PDE6B: variants seen among roughly 807,000 people sequenced by gnomAD.
PDE6B encodes rod cGMP-specific 3',5'-cyclic phosphodiesterase subunit beta.
In PDE6B, 106 loss-of-function variants were observed where a neutral mutation model predicts 109.0. That is an observed-to-expected ratio of 0.97 (90% CI 0.83 to 1.14). PDE6B has a LOEUF of 1.14. Among genes scored for constraint, PDE6B ranks in the 50% most tolerant of loss-of-function variants. PDE6B has a pLI of 0.00. For synonymous variants in PDE6B, 490 were observed against 471.3 expected (o/e 1.04, Z -0.51); for missense variants, 1,193 against 1,155.6 (o/e 1.03, Z -0.47).
At chr4:653,255 G>A in intron 3 of PDE6B, 1 of 1,010,730 alleles carries the variant, frequency 9.9e-7, no homozygotes, top group Non-Finnish European at 1.2e-6. Context: ...GGCAGGGCCT[G>A]GTGGGGCCTG....
intron 3 of PDE6B, among the ~76,000 whole-genome samples, chr4:637,668 G>A (rs1424549271): frequency 2.0e-5 from 3 of 152,222 alleles, no homozygotes; most frequent in South Asian, 2.1e-4. Flanking sequence ...GCTTGTTGCC[G>A]GGGTCACTGC....
rs548470141 is a variant in PDE6B, at chr4:657,268, G to A, written c.1258-83G>A. 5.5e-4 allele frequency: 841 copies of A among 1,531,594 alleles called. 1 individual carries two copies. The African/African-American group carries it at 7.1e-3, about 13-fold the overall frequency. The allele number at this position is 1,531,594 out of a possible 1,614,324, so 94.9% of individuals were successfully genotyped here. A position where few individuals can be genotyped will look rare whatever the true frequency, so the allele number is the denominator to read the frequency against. On this transcript the variant is annotated intron_variant, in intron 9 of 21. Coordinates refer to ENST00000496514, the MANE Select transcript of PDE6B (RefSeq NM_000283.4). ...GTGGCAGCCCCAGGACCTGCCCGCC[G>A]AGCCACGGGGCCTGGCACACAGGCA...
rs192956181 is a variant in PDE6B at position 640,809 on chromosome 4, G to A, written c.711+4840G>A. Among the ~76,000 whole-genome samples, 1,000 of 152,282 alleles carry A rather than the reference G, an allele frequency of 6.6e-3. 17 individuals carry two copies. Among genetic ancestry groups the A allele is most frequent in the Non-Finnish European group, 5.3e-3 (358 of 68,022 alleles). On this transcript the variant is annotated intron_variant, in intron 3 of 21. Transcript: ENST00000496514. ...TGTAGAAAAAGCCTACCTTTTCTCC[G>A]TCGTATTGCTTTTGCTCTTTTGTCA... is the stretch of plus-strand genomic sequence containing the variant.
intron 1 of PDE6B, among the ~76,000 whole-genome samples, chr4:627,504 A>G (rs569577512): frequency 2.9e-4 from 44 of 152,194 alleles, no homozygotes; most frequent in Admixed American, 2.4e-3. Context: ...AGTGACCTAG[A>G]TTCAGTAATC....
chr4:665,232 C>A lies in PDE6B; in HGVS notation c.2194-23C>A. The stretch of plus-strand genomic sequence containing the variant: ...CCGCGTGGGCTCAGAGCTCCACAGA[C>A]AGCTGCCTTCCTGTGCCTCCAGGTC... On this transcript the variant is annotated intron_variant, in intron 18 of 21. Coordinates refer to ENST00000496514, the MANE Select transcript of PDE6B (RefSeq NM_000283.4). The surrounding 1 kb of genome is among the most constrained non-coding windows in gnomAD (Gnocchi z 4.0). The A allele has an allele frequency of 1.3e-6, 2 of 1,585,074 alleles. No individual in the cohort carries two copies. The highest frequency in any genetic ancestry group is 1.7e-6 in the Non-Finnish European group (2 of 1,154,718).
intron 8 of PDE6B, 123 bp downstream of exon 8, chr4:656,415 C>G: frequency 1.3e-6 from 1 of 766,894 alleles, no homozygotes; most frequent in East Asian, 2.5e-5. Context: ...CATGGTGGCT[C>G]ACGCCTGTAA....
At chr4:653,455 A>C in intron 3 of PDE6B, 2 of 687,414 alleles carry the variant, frequency 2.9e-6, no homozygotes, top group Non-Finnish European at 4.1e-6. Context: ...CGGAGGCCAC[A>C]GGCGGCCTGA....
At position 625,861 on chromosome 4, in the gene PDE6B, G is replaced by C. The variant is rs767666924; in HGVS notation, c.235G>C (p.Val79Leu). Residue 79 changes from valine (V) to leucine (L), a missense_variant, in exon 1 of 22, where the codon GTC becomes CTC. Transcript: ENST00000496514. This position sits in a 1 kb window ranked among gnomAD's most constrained non-coding sequence, Gnocchi z 5.0. The stretch of plus-strand genomic sequence containing the variant: ...CAACATGGAGCGCGTGGTCTTCAAG[G>C]TCCTGCGGCGCCTCTGCACCCTCCT... ...SINMERVVFK[V>L]LRRLCTLLQA... is the part of the protein sequence containing the mutation. The C allele has an allele frequency of 1.2e-6, 2 of 1,611,020 alleles. No homozygotes were observed. Among genetic ancestry groups the C allele is most frequent in the Middle Eastern group, 1.7e-4 (1 of 6,052 alleles).
At chr4:655,001 CG>C (rs1736043832) in intron 6 of PDE6B, 113 bp downstream of exon 6, 1 of 780,358 alleles carries the variant, frequency 1.3e-6, no homozygotes, top group Admixed American at 1.8e-5. Flanking sequence ...TCAGCAGCAC[CG>C]GCCTGGCCTG....
In PDE6B at chr4:663,336, A is replaced by T. The variant is rs1242301595; in HGVS notation, c.1920+149A>T. 3.0e-6 allele frequency: 2 copies of T among 674,982 alleles called. No individual in the cohort carries two copies. Among genetic ancestry groups the T allele is most frequent in the African/African-American group, 1.8e-5 (1 of 55,660 alleles). The allele number at this position is 674,982 out of a possible 1,614,324, so 41.8% of individuals were successfully genotyped here. A position where few individuals can be genotyped will look rare whatever the true frequency, so the allele number is the denominator to read the frequency against. On this transcript the variant is annotated intron_variant, in intron 15 of 21. Transcript: ENST00000496514. This position sits in a 1 kb window ranked among gnomAD's most constrained non-coding sequence, Gnocchi z 4.0. ...TGGGGGAGGGCGGCAGAGAAGGCGG[A>T]GGGCCGAGGCTGAGGGCAGGTGCAT...
chr4:664,684 CGG>C (rs1737576610), intron 17 of PDE6B, among the ~76,000 whole-genome samples, 195 bp from the exon 18 acceptor site: 2 of 152,128 alleles, frequency 1.3e-5, no homozygotes, highest in East Asian at 3.9e-4. Context: ...GGCGTGGTGG[CGG>C]GCGCCTGTAA....
Position 626,073 on chromosome 4 carries a change from G to A in PDE6B, c.447G>A (p.Val149=). The A allele has an allele frequency of 1.3e-6, 2 of 1,589,824 alleles. No individual in the cohort carries two copies. Among genetic ancestry groups the A allele is most frequent in the South Asian group, 1.1e-5 (1 of 87,788 alleles). Residue 149 remains valine, a synonymous_variant, in exon 1 of 22, where the codon GTG becomes GTA. Coordinates refer to ENST00000496514, the MANE Select transcript of PDE6B (RefSeq NM_000283.4). The surrounding 1 kb of genome is among the most constrained non-coding windows in gnomAD (Gnocchi z 4.6). The part of the protein sequence containing the change: ...VGHVAQTKKM[V]NVEDVAECPH... ...ACGTGGCTCAGACCAAAAAGATGGT[G>A]AACGTCGAGGACGTGGCCGAGGTGG...
chr4:630,579 G>A (rs542917054), intron 1 of PDE6B, among the ~76,000 whole-genome samples: 7 of 152,342 alleles, frequency 4.6e-5, no homozygotes, highest in Admixed American at 4.6e-4. Flanking sequence ...GTGCAAGCCA[G>A]GGTTTGGAGC....
In PDE6B at chr4:656,020, T is replaced by C. The variant is rs775861441; in HGVS notation, c.1059+14T>C. On this transcript the variant is annotated intron_variant, in intron 7 of 21. Coordinates refer to ENST00000496514, the MANE Select transcript of PDE6B (RefSeq NM_000283.4). The stretch of plus-strand genomic sequence containing the variant: ...GAAAGCGGCTTTGTGAGTCCCGTGC[T>C]GTCTGGAGTCCCCACAGCCTTGCCC... 1.9e-5 allele frequency: 29 copies of C among 1,544,858 alleles called. No individual in the cohort carries two copies. Among genetic ancestry groups the C allele is most frequent in the South Asian group, 3.3e-5 (3 of 89,710 alleles).
Position 656,866 on chromosome 4 carries a change from TC to T in PDE6B, c.1108-5del. The T allele has an allele frequency of 6.2e-7, 1 of 1,612,396 alleles. No homozygotes were observed. The highest frequency in any genetic ancestry group is 8.5e-7 in the Non-Finnish European group (1 of 1,179,764). ...GGCGGAGCTCAGCTCTGGACACCGC[TC>T]CCGCAGGAAGGGGCCCTGGACGACT... On this transcript the variant is annotated splice_region_variant and splice_polypyrimidine_tract_variant and intron_variant, in intron 8 of 21. Coordinates refer to ENST00000496514, the MANE Select transcript of PDE6B (RefSeq NM_000283.4).
Position 666,123 on chromosome 4 carries a change from C to CG in PDE6B, c.2269-407dup, listed in dbSNP as rs916464527. Among the ~76,000 whole-genome samples the CG allele has an allele frequency of 2.0e-5, 3 of 152,156 alleles. No individual in the cohort carries two copies. Among genetic ancestry groups the CG allele is most frequent in the African/African-American group, 7.2e-5 (3 of 41,428 alleles). The stretch of plus-strand genomic sequence containing the variant: ...TGACACTAGAAACAGCTCCAGAGCA[C>CG]GTCTGTGTCTGCCCCAGGCGAGTGC... On this transcript the variant is annotated intron_variant, in intron 19 of 21. Coordinates refer to ENST00000496514, the MANE Select transcript of PDE6B (RefSeq NM_000283.4). This position sits in a 1 kb window ranked among gnomAD's most constrained non-coding sequence, Gnocchi z 5.6.
In PDE6B at chr4:654,172, G is replaced by T. The variant is rs199685250; in HGVS notation, c.927+18G>T. The T allele has an allele frequency of 2.5e-6, 4 of 1,605,624 alleles. No individual in the cohort carries two copies. The highest frequency in any genetic ancestry group is 2.6e-6 in the Non-Finnish European group (3 of 1,173,308). ...ATGGCCGGGTGAGTCTTAGGGGAGG[G>T]GCCCAGGGCCTGTCCACACGCCTCT... On this transcript the variant is annotated intron_variant, in intron 5 of 21. Transcript: ENST00000496514.
In PDE6B at chr4:655,559, C is replaced by T. The variant is rs1736116803; in HGVS notation, c.993-381C>T. The T allele has an allele frequency of 8.0e-6, 3 of 376,210 alleles. No homozygotes were observed. In the Admixed American group the frequency reaches 1.2e-4, roughly 15 times the overall value. 23.3% of individuals were successfully genotyped at this position (376,210 alleles called of 1,614,324 possible). A position where few individuals can be genotyped will look rare whatever the true frequency, so the allele number is the denominator to read the frequency against. Reference sequence around the variant, plus strand: ...GAGGGGTTCCCAAGAGGGAGGGGCCCCAGCACGGCAGCCTGGGGAGGAGGA... The same window carrying T: ...GAGGGGTTCCCAAGAGGGAGGGGCCTCAGCACGGCAGCCTGGGGAGGAGGA... On this transcript the variant is annotated intron_variant, in intron 6 of 21. Transcript: ENST00000496514.
chr4:642,842 G>A (rs35134635), intron 3 of PDE6B, among the ~76,000 whole-genome samples: 1 of 150,896 alleles, frequency 6.6e-6, no homozygotes, highest in Non-Finnish European at 1.5e-5. Flanking sequence ...TTTTTATTCA[G>A]AATGAGTGTT....
Sources: gnomAD v4.1 joint callset for allele counts (sites outside exome capture counted in the v4.1 genomes callset) on GRCh38, gnomAD v4.1.1 for gene constraint, Gnocchi (gnomAD v3.1) non-coding constraint, MANE v1.5 for transcripts, NCBI Gene and HGNC (gene_info 2026-07-23, HGNC 2026-07-21) for gene names.